The following GSE1 variants were observed in gnomAD, a reference collection of about 807,000 sequenced individuals.
GSE1 encodes the protein genetic suppressor element 1.
In GSE1, 32 loss-of-function variants were observed where a neutral mutation model predicts 112.6. The observed-to-expected ratio is 0.28, with a 90% CI of 0.21 to 0.38. GSE1 has a LOEUF of 0.38. Among genes scored for constraint, GSE1 ranks in the 10% least tolerant of loss-of-function variants. GSE1 has a pLI of 1.00. For synonymous variants in GSE1, 1,115 were observed against 735.6 expected (o/e 1.52, Z -8.35); for missense variants, 2,348 against 1,699.2 (o/e 1.38, Z -6.71).
At chr16:85,406,292 G>A (rs377146412) in intron 2 of GSE1, among the ~76,000 whole-genome samples, 56 of 58 alleles carry the variant, frequency 0.97, 28 homozygotes, top group African/African-American at 1. Context: ...GATAATCCTC[G>A]CTGTTACACT....
intron 2 of GSE1, among the ~76,000 whole-genome samples, chr16:85,420,648 C>T (rs1308114761): frequency 2.0e-5 from 3 of 152,124 alleles, no homozygotes; most frequent in African/African-American, 4.8e-5. Context: ...GCCCACTCGG[C>T]CCACCGGGCA....
chr16:85,359,425 G>A (rs1251151260), intron 2 of GSE1: 1 of 455,932 alleles, frequency 2.2e-6, no homozygotes, highest in Admixed American at 2.4e-5. Context: ...GAGTTTGGCT[G>A]TGGTTTGGGG....
chr16:85,208,401 C>G (rs1597802150), intron 1 of GSE1, among the ~76,000 whole-genome samples: 1 of 152,226 alleles, frequency 6.6e-6, no homozygotes, highest in African/African-American at 2.4e-5. Context: ...TGGTGCCTGC[C>G]TGGGGCTCGA....
chr16:85,573,156 G>A (rs537658390), intron 1 of GSE1, among the ~76,000 whole-genome samples: 2 of 152,158 alleles, frequency 1.3e-5, no homozygotes, highest in African/African-American at 2.4e-5. Flanking sequence ...GAGCCACTGC[G>A]CCCGGCCCAT....
At chr16:85,300,708 C>T (rs1021547338) in intron 1 of GSE1, among the ~76,000 whole-genome samples, 1 of 152,258 alleles carries the variant, frequency 6.6e-6, no homozygotes, top group African/African-American at 2.4e-5. Flanking sequence ...CACTTTGGAG[C>T]AGCCGCTCTG....
In GSE1 at chr16:85,311,660, C is replaced by G. The variant is rs1370430688; in HGVS notation, c.2284-45803C>G. ...GGCCCCTTGGGCTGTGTACCTGGGC[C>G]TGGTGGCTCTGTCTGTGGCTCTCTT... On this transcript the variant is annotated intron_variant, in intron 1 of 2. Transcript: ENST00000637419. This position sits in a 1 kb window ranked among gnomAD's most constrained non-coding sequence, Gnocchi z 4.2. Among the ~76,000 whole-genome samples, 1 of 152,186 alleles carries G rather than the reference C, an allele frequency of 6.6e-6. No individual in the cohort carries two copies. The highest frequency in any genetic ancestry group is 2.4e-5 in the African/African-American group (1 of 41,444).
Position 85,269,892 on chromosome 16 carries a change from G to A in GSE1, c.2284-87571G>A, listed in dbSNP as rs760621693. The stretch of plus-strand genomic sequence containing the variant: ...TGATGACCAAGCAGCACCCGAGGCA[G>A]CGCCGACATGTAGCTGCGTTCTGTG... On this transcript the variant is annotated intron_variant, in intron 1 of 2. Coordinates refer to the GSE1 transcript ENST00000637419. Among the ~76,000 whole-genome samples the A allele has an allele frequency of 6.6e-4, 99 of 149,634 alleles. 12 individuals are homozygous for A. Among genetic ancestry groups the A allele is most frequent in the Non-Finnish European group, 1.3e-3 (86 of 66,394 alleles).
At chr16:85,572,146 AACACACC>A (rs949063571) in intron 1 of GSE1, among the ~76,000 whole-genome samples, 1 of 142,370 alleles carries the variant, frequency 7.0e-6, no homozygotes, top group Admixed American at 7.0e-5. Context: ...TACCACACAC[AACACACC>A]ACACACACAC....
intron 1 of GSE1, among the ~76,000 whole-genome samples, chr16:85,306,977 C>G (rs541026924): frequency 6.6e-6 from 1 of 152,254 alleles, no homozygotes; most frequent in Non-Finnish European, 1.5e-5. Context: ...TGCCCAAGCT[C>G]AGCACAAGCC....
At chr16:85,433,950 C>T (rs1174581857) in intron 2 of GSE1, among the ~76,000 whole-genome samples, 1 of 152,040 alleles carries the variant, frequency 6.6e-6, no homozygotes, top group Non-Finnish European at 1.5e-5. Context: ...AAGCAAGAGC[C>T]ATAATTCCTC....
chr16:85,613,126 G>T, upstream of GSE1: 1 of 1,168,614 alleles, frequency 8.6e-7, no homozygotes, highest in Non-Finnish European at 1.1e-6. Context: ...GTGTGTTTGC[G>T]GCTGAAACCC....
At chr16:85,604,247 A>T (rs2047586883) in intron 1 of GSE1, among the ~76,000 whole-genome samples, 1 of 152,208 alleles carries the variant, frequency 6.6e-6, no homozygotes, top group South Asian at 2.1e-4. Flanking sequence ...CGGGCATTTC[A>T]TACAAATGGA....
chr16:85,189,986 G>A (rs1459096547), intron 1 of GSE1, among the ~76,000 whole-genome samples: 1 of 152,084 alleles, frequency 6.6e-6, no homozygotes, highest in Non-Finnish European at 1.5e-5. Context: ...CCAGTTTTTT[G>A]GGGGGCTTAA....
At chr16:85,629,944 G>T (rs2049402924) in intron 1 of GSE1, among the ~76,000 whole-genome samples, 1 of 152,178 alleles carries the variant, frequency 6.6e-6, no homozygotes, top group East Asian at 1.9e-4. Flanking sequence ...GTTTCTGTGG[G>T]CCAGGGATTG....
intron 1 of GSE1, among the ~76,000 whole-genome samples, chr16:85,613,981 G>C (rs537462900): frequency 1.1e-4 from 17 of 151,642 alleles, no homozygotes; most frequent in Non-Finnish European, 2.1e-4. Flanking sequence ...CAGCCTGCCG[G>C]GTTTGTGACC....
chr16:85,668,318 G>GGAGGAA lies in GSE1; in HGVS notation c.3315_3320dup (p.Glu1106_Glu1107dup), dbSNP rs1567766185. On this transcript the variant is annotated inframe_insertion, in exon 14 of 16. Coordinates refer to ENST00000253458, the MANE Select transcript of GSE1 (RefSeq NM_014615.5). The stretch of plus-strand genomic sequence containing the variant: ...AGGAGTTGGACCGGGACTCGGAGGA[G>GGAGGAA]GAGGAAGAGGAGGATGATGAAGATG... 1 of 1,612,660 alleles carries GGAGGAA rather than the reference G, an allele frequency of 6.2e-7. No individual in the cohort carries two copies. Among genetic ancestry groups the GGAGGAA allele is most frequent in the East Asian group, 2.2e-5 (1 of 44,874 alleles).
At chr16:85,493,090 C>G (rs1450325222) in intron 2 of GSE1, among the ~76,000 whole-genome samples, 1 of 152,128 alleles carries the variant, frequency 6.6e-6, no homozygotes, top group South Asian at 2.1e-4. Flanking sequence ...GGAGCAGAGG[C>G]CTGGAGGAAG....
At chr16:85,467,222 G>A (rs1471239430) in intron 2 of GSE1, among the ~76,000 whole-genome samples, 2 of 152,106 alleles carry the variant, frequency 1.3e-5, no homozygotes, top group Non-Finnish European at 2.9e-5. Context: ...GGGCCGGAGC[G>A]AGCCAGCCTG....
In GSE1 at chr16:85,656,466, A is replaced by AGAGAAGGAGCGCGAGCGT. The variant is rs2051958886; in HGVS notation, c.1124_1125insCGAGCGTGAGAAGGAGCG (p.Lys379_Glu384dup). 2.0e-6 allele frequency: 3 copies of AGAGAAGGAGCGCGAGCGT among 1,526,006 alleles called. No individual in the cohort carries two copies. Among genetic ancestry groups the AGAGAAGGAGCGCGAGCGT allele is most frequent in the African/African-American group, 1.4e-5 (1 of 71,622 alleles). 94.5% of individuals were successfully genotyped at this position (1,526,006 alleles called of 1,614,324 possible). ...GCGAACGCGAGAAGGAGCGCGAGCA[A>AGAGAAGGAGCGCGAGCGT]GAGAAGGAGCGTGAGCGTGAGAAGG... is the stretch of plus-strand genomic sequence containing the variant. On this transcript the variant is annotated inframe_insertion, in exon 7 of 16. Coordinates refer to ENST00000253458, the MANE Select transcript of GSE1 (RefSeq NM_014615.5).
Sources: gnomAD v4.1 joint callset for allele counts (sites outside exome capture counted in the v4.1 genomes callset) on GRCh38, gnomAD v4.1.1 for gene constraint, Gnocchi (gnomAD v3.1) non-coding constraint, MANE v1.5 for transcripts, NCBI Gene and HGNC (gene_info 2026-07-23, HGNC 2026-07-21) for gene names.